The following NAALADL2 variants were observed in gnomAD, a reference collection of about 807,000 sequenced individuals.
The protein encoded by NAALADL2 is N-acetylated alpha-linked acidic dipeptidase like 2, also known as inactive N-acetylated-alpha-linked acidic dipeptidase-like protein 2.
NAALADL2 carries 76 observed loss-of-function variants against 87.2 expected under a neutral mutation model. The ratio of observed to expected loss-of-function variants is 0.87; its 90% confidence interval spans 0.72 to 1.05. The LOEUF (loss-of-function observed/expected upper bound fraction) is 1.05. Ranked by LOEUF, NAALADL2 falls within the 50% of genes least tolerant of loss-of-function variation. The pLI is 0.00. For synonymous variants in NAALADL2, 354 were observed against 331.0 expected, an observed-to-expected ratio of 1.07 and a Z score of -0.75; for missense variants, 1,089 against 945.8, an observed-to-expected ratio of 1.15 and a Z score of -1.99.
chr3:174,696,418 T>C (rs1421660613), intron 2 of NAALADL2, among the ~76,000 whole-genome samples: 1 of 151,908 alleles, frequency 6.6e-6, no homozygotes, highest in Non-Finnish European at 1.5e-5. Flanking sequence ...GCTAGACTTA[T>C]GTGGGAAAAA....
chr3:175,059,790 C>G (rs74521945), intron 1 of NAALADL2: 32,268 of 304,116 alleles, frequency 0.11, 2,055 homozygotes, highest in East Asian at 0.21. Context: ...ACATTAGCAG[C>G]ACCGTATTTG....
chr3:175,215,171 C>G (rs1362756743), intron 2 of NAALADL2, among the ~76,000 whole-genome samples: 4 of 152,040 alleles, frequency 2.6e-5, no homozygotes, highest in Admixed American at 2.6e-4. Context: ...CTTCCTGAAC[C>G]TCGGTTTTCT....
chr3:174,649,464 A>C (rs977112325), intron 2 of NAALADL2, among the ~76,000 whole-genome samples: 1 of 151,984 alleles, frequency 6.6e-6, no homozygotes, highest in Non-Finnish European at 1.5e-5. Context: ...TATATTTAGG[A>C]TTTCTTTGCT....
chr3:175,606,558 G>C (rs1033602107), intron 10 of NAALADL2, among the ~76,000 whole-genome samples: 16 of 152,234 alleles, frequency 1.1e-4, no homozygotes, highest in African/African-American at 3.4e-4. Flanking sequence ...TAATATTGCG[G>C]AACTCCTTAC....
intron 9 of NAALADL2, among the ~76,000 whole-genome samples, chr3:175,540,587 G>A (rs1712136855): frequency 6.6e-6 from 1 of 152,050 alleles, no homozygotes; most frequent in Non-Finnish European, 1.5e-5. Flanking sequence ...TGAAGCTCTG[G>A]GAGGAGGTAT....
chr3:174,991,478 AT>A (rs1281095444), intron 1 of NAALADL2, among the ~76,000 whole-genome samples: 4 of 148,542 alleles, frequency 2.7e-5, no homozygotes, highest in Non-Finnish European at 5.9e-5. Context: ...TTAATTTTTT[AT>A]TTGATATATG....
intron 13 of NAALADL2, among the ~76,000 whole-genome samples, chr3:175,762,192 A>ATTTTTTTTTTTTTTTTTT (rs55668165): frequency 7.9e-5 from 9 of 114,166 alleles, no homozygotes; most frequent in Admixed American, 1.0e-4. Flanking sequence ...CTGTGTTTCG[A>ATTTTTTTTTTTTTTTTTT]TTTTTTTTTT....
At chr3:175,519,267 G>T (rs1312880416) in intron 9 of NAALADL2, among the ~76,000 whole-genome samples, 1 of 152,184 alleles carries the variant, frequency 6.6e-6, no homozygotes, top group African/African-American at 2.4e-5. Flanking sequence ...TAGAAAAGCG[G>T]TTCTAGTTTC....
chr3:174,488,826 AC>A lies in NAALADL2; in HGVS notation c.-184+47801del, dbSNP rs541028099. Reference sequence around the variant, plus strand: ...ATTCCTGCCATTCACAGCCACAGACACCCCCCCTAACCTTTGGAAGCTACTC... The same window carrying A: ...ATTCCTGCCATTCACAGCCACAGACACCCCCCTAACCTTTGGAAGCTACTC... On this transcript the variant is annotated intron_variant, in intron 1 of 3. Transcript: ENST00000434257. 1.6e-3 allele frequency among the ~76,000 whole-genome samples: 244 copies of A among 151,728 alleles called. 1 individual carries two copies. The highest frequency in any genetic ancestry group is 5.6e-3 in the African/African-American group (230 of 41,416).
chr3:174,468,421 C>A (rs894106608), intron 1 of NAALADL2, among the ~76,000 whole-genome samples: 2 of 141,454 alleles, frequency 1.4e-5, no homozygotes, highest in Non-Finnish European at 3.0e-5. Context: ...CTCACTCTTG[C>A]CCAGGCTGGA....
At chr3:174,983,983 C>T (rs138704866) in intron 1 of NAALADL2, among the ~76,000 whole-genome samples, 1 of 152,266 alleles carries the variant, frequency 6.6e-6, no homozygotes, top group Non-Finnish European at 1.5e-5. Flanking sequence ...GCTTTCCTCT[C>T]CACTTCACCC....
At chr3:175,094,533 G>A (rs1380326539) in intron 1 of NAALADL2, among the ~76,000 whole-genome samples, 4 of 151,682 alleles carry the variant, frequency 2.6e-5, no homozygotes, top group Admixed American at 6.6e-5. Context: ...AACGTCATAC[G>A]TTACTTCCTT....
At chr3:175,034,720 T>C (rs1316096840) in intron 1 of NAALADL2, among the ~76,000 whole-genome samples, 1 of 152,148 alleles carries the variant, frequency 6.6e-6, no homozygotes, top group Non-Finnish European at 1.5e-5. Flanking sequence ...CTTAATGACT[T>C]TGGGCAAGTT....
At chr3:174,825,743 AAGGGCC>A (rs1161399932) in intron 3 of NAALADL2, among the ~76,000 whole-genome samples, 3 of 152,102 alleles carry the variant, frequency 2.0e-5, no homozygotes, top group Non-Finnish European at 4.4e-5. Context: ...ACATCTTTTG[AAGGGCC>A]AGGCACAGTG....
At chr3:175,047,798 A>T (rs1360015355) in intron 1 of NAALADL2, among the ~76,000 whole-genome samples, 1 of 152,178 alleles carries the variant, frequency 6.6e-6, no homozygotes, top group East Asian at 1.9e-4. Flanking sequence ...TTATTAAAAA[A>T]CTTTGCGAAT....
At chr3:175,383,250 C>T (rs1213916976) in intron 5 of NAALADL2, among the ~76,000 whole-genome samples, 1 of 151,850 alleles carries the variant, frequency 6.6e-6, no homozygotes, top group Non-Finnish European at 1.5e-5. Flanking sequence ...TATAGTCATC[C>T]CTATTGTGCT....
At position 175,532,108 on chromosome 3, in the gene NAALADL2, G is replaced by A. The variant is rs761198520; in HGVS notation, c.1654-43933G>A. Among the ~76,000 whole-genome samples the A allele has an allele frequency of 2.0e-4, 30 of 152,136 alleles. 1 individual carries two copies. Among genetic ancestry groups the A allele is most frequent in the Admixed American group, 1.3e-4 (2 of 15,262 alleles). ...TGTGTCTATGCCAATTATGCATTCT[G>A]GAACTGGGGAAATGACCACAGGACC... On this transcript the variant is annotated intron_variant, in intron 9 of 13. Coordinates refer to ENST00000454872, the MANE Select transcript of NAALADL2 (RefSeq NM_207015.3).
At chr3:174,691,238 C>A (rs1728545387) in intron 2 of NAALADL2, among the ~76,000 whole-genome samples, 1 of 151,944 alleles carries the variant, frequency 6.6e-6, no homozygotes. Context: ...ATGGCAAAAC[C>A]CCATTTCTAC....
rs1000202064 is a variant in NAALADL2 at position 175,026,483 on chromosome 3, A to T, written c.44-70307A>T. Among the ~76,000 whole-genome samples, 10 of 89,900 alleles carry T rather than the reference A, an allele frequency of 1.1e-4. No homozygotes were observed. The South Asian group carries it at 2.2e-3, about 19-fold the overall frequency. The allele number at this position is 89,900 out of a possible 152,430, so 59.0% of individuals were successfully genotyped here. On this transcript the variant is annotated intron_variant, in intron 1 of 13. Coordinates refer to ENST00000454872, the MANE Select transcript of NAALADL2 (RefSeq NM_207015.3). ...AGCATGGTGAAACCCCGTCTCTACT[A>T]AAAAAAAAAAAAAAAAAAAAAATTA...
Sources: allele counts gnomAD v4.1 joint callset (sites outside exome capture counted in the v4.1 genomes callset), GRCh38; gene constraint gnomAD v4.1.1; transcripts MANE v1.5; gene names NCBI Gene and HGNC (gene_info 2026-07-23, HGNC 2026-07-21).